Variants in CIMAP1B observed in about 807,000 individuals in gnomAD.
CIMAP1B encodes orf2 5' to PD-ECGF/TP.
chr22:50,531,638 T>TCGGTGCCGC, the CIMAP1B span: 7 of 1,379,410 alleles, frequency 5.1e-6, no homozygotes, highest in Non-Finnish European at 6.5e-6. Flanking sequence ...GGGGGCGCCG[T>TCGGTGCCGC]CGGTGCCGCG....
chr22:50,531,840 C>G, the CIMAP1B span: 2 of 1,335,096 alleles, frequency 1.5e-6, no homozygotes, highest in Non-Finnish European at 1.9e-6. Context: ...ACGGACCCTC[C>G]CCCGGCACAG....
the CIMAP1B span, chr22:50,531,943 TC>T: frequency 6.1e-6 from 8 of 1,305,674 alleles, no homozygotes; most frequent in South Asian, 1.8e-4. Flanking sequence ...GTCCCACCCC[TC>T]AATCCCGGGG....
the CIMAP1B span, chr22:50,530,508 G>C: frequency 6.2e-7 from 1 of 1,600,952 alleles, no homozygotes; most frequent in Admixed American, 1.7e-5. Flanking sequence ...CACCAGCGGG[G>C]CCAGGTAGTC....
the CIMAP1B span, chr22:50,531,536 G>A: frequency 7.1e-7 from 1 of 1,417,864 alleles, no homozygotes; most frequent in Non-Finnish European, 9.2e-7. Flanking sequence ...AGGCAGTTCG[G>A]CGTTGGGGTG....
chr22:50,531,968 C>T, the CIMAP1B span: 1 of 1,333,128 alleles, frequency 7.5e-7, no homozygotes, highest in Non-Finnish European at 9.7e-7. Context: ...GCCCCTTCTA[C>T]CGGTGTTGGG....
chr22:50,530,923 G>A, the CIMAP1B span: 2 of 1,610,042 alleles, frequency 1.2e-6, no homozygotes, highest in South Asian at 2.2e-5. Flanking sequence ...CGTCCGCCCC[G>A]GCCCCTCCCC....
chr22:50,531,306 G>C, the CIMAP1B span: 1 of 1,600,012 alleles, frequency 6.2e-7, no homozygotes, highest in Non-Finnish European at 8.5e-7. Context: ...CTGCGGGGCG[G>C]ATCAAGGGTG....
the CIMAP1B span, chr22:50,531,444 T>A: frequency 9.5e-7 from 1 of 1,057,092 alleles, no homozygotes; most frequent in Non-Finnish European, 1.3e-6. Context: ...GATCCGGATA[T>A]GGGGGTACCG....
At chr22:50,530,464 G>C in the CIMAP1B span, 121 of 1,582,934 alleles carry the variant, frequency 7.6e-5, no homozygotes, top group African/African-American at 1.5e-3. Context: ...GTGTGGGGCC[G>C]CTCCCGCCTG....
At chr22:50,531,930 G>A in the CIMAP1B span, 1 of 1,302,658 alleles carries the variant, frequency 7.7e-7, no homozygotes, top group Non-Finnish European at 9.8e-7. Flanking sequence ...TCCCCCAGGC[G>A]CCGTCCCACC....
chr22:50,531,241 T>C, the CIMAP1B span: 1 of 1,612,178 alleles, frequency 6.2e-7, no homozygotes, highest in Non-Finnish European at 8.5e-7. Context: ...AGCAATGGTG[T>C]GCCGAGGCGC....
At chr22:50,531,575 C>T in the CIMAP1B span, 2 of 1,421,362 alleles carry the variant, frequency 1.4e-6, no homozygotes, top group South Asian at 1.6e-5. Flanking sequence ...CTGACCAGGT[C>T]CCGGAGTGAG....
the CIMAP1B span, chr22:50,531,082 G>T: frequency 6.2e-7 from 1 of 1,600,514 alleles, no homozygotes; most frequent in Non-Finnish European, 8.5e-7. Flanking sequence ...AGGGCTCGGG[G>T]GTAGTGGGTC....
the CIMAP1B span, chr22:50,530,639 T>C: frequency 1.9e-6 from 3 of 1,581,598 alleles, no homozygotes; most frequent in Admixed American, 1.8e-5. Context: ...CCGGGGACTC[T>C]GATCCCATCA....
At chr22:50,531,143 C>A in the CIMAP1B span, 1 of 1,594,128 alleles carries the variant, frequency 6.3e-7, no homozygotes, top group Non-Finnish European at 8.6e-7. Flanking sequence ...GGTCCCCGGT[C>A]TCGAGTGGGA....
the CIMAP1B span, chr22:50,531,178 G>C: frequency 6.2e-7 from 1 of 1,608,584 alleles, no homozygotes; most frequent in Non-Finnish European, 8.5e-7. Context: ...GGGATGGGCC[G>C]TTCTGACCTC....
chr22:50,531,991 T>A, the CIMAP1B span: 1 of 1,345,864 alleles, frequency 7.4e-7, no homozygotes, highest in Non-Finnish European at 9.6e-7. Context: ...GCAGCTTGTA[T>A]TTGGGCCCGG....
chr22:50,530,935 A>G, the CIMAP1B span: 2 of 1,609,556 alleles, frequency 1.2e-6, no homozygotes, highest in Non-Finnish European at 1.7e-6. Context: ...CCCCTCCCCC[A>G]CCTTGCTGAG....
At chr22:50,532,434 G>C in the CIMAP1B span, 2 of 209,532 alleles carry the variant, frequency 9.5e-6, no homozygotes, top group African/African-American at 4.6e-5. Context: ...GGTGCCCCGG[G>C]AAGGGCCTGC....
Sources: gnomAD v4.1 joint callset for allele counts on GRCh38, gnomAD v4.1.1 for gene constraint, MANE v1.5 for transcripts, NCBI Gene and HGNC (gene_info 2026-07-23, HGNC 2026-07-21) for gene names.